NETO1: variants seen among roughly 807,000 people sequenced by gnomAD.
NETO1 encodes the protein neuropilin and tolloid-like protein 1.
Under a neutral mutation model 61.3 loss-of-function variants are expected in NETO1, and 26 were observed. The observed-to-expected ratio is 0.42, with a 90% CI of 0.31 to 0.59. The LOEUF (loss-of-function observed/expected upper bound fraction) is 0.59. Ranked by LOEUF, NETO1 falls within the 20% of genes least tolerant of loss-of-function variation. The pLI, the probability that NETO1 is intolerant of heterozygous loss-of-function variation, is 0.12. For synonymous variants in NETO1, 225 were observed against 225.8 expected (o/e 1.00, Z 0.03); for missense variants, 531 against 662.8 (o/e 0.80, Z 2.18).
chr18:72,862,871 C>A (rs1206608782), intron 3 of NETO1, among the ~76,000 whole-genome samples: 1 of 152,064 alleles, frequency 6.6e-6, no homozygotes, highest in African/African-American at 2.4e-5. Context: ...CCGCCCACAT[C>A]GGCCTCCTAA....
chr18:72,780,158 A>C (rs563237894), intron 7 of NETO1, among the ~76,000 whole-genome samples: 2 of 152,328 alleles, frequency 1.3e-5, no homozygotes, highest in Non-Finnish European at 2.9e-5. Flanking sequence ...AACATGACTA[A>C]AGGATAAACC....
At position 72,793,988 on chromosome 18, in the gene NETO1, A is replaced by C. The variant is rs899586568; in HGVS notation, c.639+129T>G. 2.4e-6 allele frequency: 3 copies of C among 1,244,146 alleles called. No homozygotes were observed. In the Admixed American group the frequency reaches 6.2e-5, roughly 26 times the overall value. The allele number at this position is 1,244,146 out of a possible 1,614,324, so 77.1% of individuals were successfully genotyped here. A position where few individuals can be genotyped will look rare whatever the true frequency, so the allele number is the denominator to read the frequency against. On this transcript the variant is annotated intron_variant, in intron 6 of 10. Coordinates refer to ENST00000327305, the MANE Select transcript of NETO1 (RefSeq NM_138966.5). Reference sequence around the variant, plus strand: ...AGACAAGTTACATCTCAAAAACCAAAATGAAATCATAGCCTTTGATGGCTG... The same window carrying C: ...AGACAAGTTACATCTCAAAAACCAACATGAAATCATAGCCTTTGATGGCTG...
At chr18:72,795,572 A>G (rs1414416615) in intron 4 of NETO1, among the ~76,000 whole-genome samples, 33 of 152,144 alleles carry the variant, frequency 2.2e-4, no homozygotes, top group Non-Finnish European at 4.6e-4. Context: ...ACATTCTTGG[A>G]GTTGCATTTC....
intron 7 of NETO1, among the ~76,000 whole-genome samples, chr18:72,766,658 A>G (rs565052065): frequency 3.3e-5 from 5 of 152,320 alleles, no homozygotes; most frequent in East Asian, 1.9e-4. Context: ...ACAAATTTCA[A>G]TTTGATCTCA....
intron 7 of NETO1, among the ~76,000 whole-genome samples, chr18:72,776,146 T>C (rs147836075): frequency 2.6e-5 from 4 of 152,310 alleles, no homozygotes; most frequent in East Asian, 3.9e-4. Flanking sequence ...TCATGCTTTG[T>C]TGCAACACAG....
intron 4 of NETO1, among the ~76,000 whole-genome samples, chr18:72,807,445 T>C (rs2072710458): frequency 6.6e-6 from 1 of 152,194 alleles, no homozygotes; most frequent in Non-Finnish European, 1.5e-5. Context: ...AATTTGAAGT[T>C]TCCTCATGGT....
chr18:72,826,434 A>T (rs1352051878), intron 4 of NETO1, among the ~76,000 whole-genome samples: 1 of 151,860 alleles, frequency 6.6e-6, no homozygotes, highest in Admixed American at 6.6e-5. Context: ...TCCTCAGTGT[A>T]ATTCTTTTCT....
chr18:72,851,643 TAGA>T (rs2074253025), intron 4 of NETO1, among the ~76,000 whole-genome samples: 3 of 152,064 alleles, frequency 2.0e-5, no homozygotes, highest in Admixed American at 1.3e-4. Context: ...ACAATTGAGG[TAGA>T]AGGAGAGACG....
intron 6 of NETO1, among the ~76,000 whole-genome samples, chr18:72,786,265 T>C (rs2071913970): frequency 6.6e-6 from 1 of 152,140 alleles, no homozygotes; most frequent in Admixed American, 6.6e-5. Flanking sequence ...ATAGCATAGA[T>C]CTAAATTATG....
Position 72,867,382 on chromosome 18 carries a change from GGTGTTAAAGAC to G in NETO1, c.-102_-92del. 1 of 1,059,226 alleles carries G rather than the reference GGTGTTAAAGAC, an allele frequency of 9.4e-7. No individual in the cohort carries two copies. The highest frequency in any genetic ancestry group is 2.1e-4 in the Middle Eastern group (1 of 4,746). The allele number at this position is 1,059,226 out of a possible 1,614,324, so 65.6% of individuals were successfully genotyped here. On this transcript the variant is annotated 5_prime_UTR_variant, in exon 1 of 11. The change abolishes the stop of an existing upstream ORF in the 5' untranslated region. Transcript: ENST00000327305. ...TGGCGGGGGGAGGACAGGGTCGAGA[GGTGTTAAAGAC>G]GCAAAGCAAGAAGGAAATAAAGGGG...
intron 4 of NETO1, among the ~76,000 whole-genome samples, chr18:72,820,479 C>T (rs185994478): frequency 3.2e-4 from 48 of 152,352 alleles, no homozygotes; most frequent in African/African-American, 1.1e-3. Context: ...CATTCAATCT[C>T]CTGCTATTGG....
intron 4 of NETO1, among the ~76,000 whole-genome samples, chr18:72,856,653 A>C (rs1438227355): frequency 1.3e-5 from 2 of 152,230 alleles, no homozygotes; most frequent in African/African-American, 4.8e-5. Flanking sequence ...AGAAAAGAAA[A>C]GCCAGAACTG....
intron 4 of NETO1, among the ~76,000 whole-genome samples, chr18:72,846,131 G>T (rs567794554): frequency 1.3e-5 from 2 of 151,620 alleles, no homozygotes; most frequent in Non-Finnish European, 2.9e-5. Context: ...GGCTGACTGG[G>T]TCAAAAGATA....
Position 72,830,917 on chromosome 18 carries a change from CTG to C in NETO1, c.469+27907_469+27908del, listed in dbSNP as rs1460851809. Reference sequence around the variant, plus strand: ...TTTTCATTTACCACTGCAGGAAAAACTGTACTTGATAGGGTTGTCAATTATGC... The same window carrying C: ...TTTTCATTTACCACTGCAGGAAAAACTACTTGATAGGGTTGTCAATTATGC... On this transcript the variant is annotated intron_variant, in intron 4 of 10. Coordinates refer to ENST00000327305, the MANE Select transcript of NETO1 (RefSeq NM_138966.5). The surrounding 1 kb of genome is among the most constrained non-coding windows in gnomAD (Gnocchi z 4.9). Among the ~76,000 whole-genome samples the C allele has an allele frequency of 1.3e-5, 2 of 152,088 alleles. No individual in the cohort carries two copies. Among genetic ancestry groups the C allele is most frequent in the East Asian group, 1.9e-4 (1 of 5,192 alleles).
intron 7 of NETO1, among the ~76,000 whole-genome samples, chr18:72,772,732 T>TAC (rs1159212944): frequency 5.2e-5 from 7 of 134,182 alleles, no homozygotes; most frequent in South Asian, 2.5e-4. Context: ...GTGTATCATG[T>TAC]ACACACACAC....
chr18:72,866,884 C>A, intron 1 of NETO1: 1 of 787,114 alleles, frequency 1.3e-6, no homozygotes, highest in Non-Finnish European at 1.6e-6. Flanking sequence ...CCGGGAGCCC[C>A]TAGAAGAGGA....
chr18:72,788,676 G>A (rs1423185449), intron 6 of NETO1, among the ~76,000 whole-genome samples: 1 of 152,066 alleles, frequency 6.6e-6, no homozygotes, highest in Admixed American at 6.5e-5. Context: ...AAGAGTTGGA[G>A]CTGACAAGAT....
rs529667843 is a variant in NETO1, at chr18:72,767,179, C to CA, written c.869-11033dup. On this transcript the variant is annotated intron_variant, in intron 7 of 10. Coordinates refer to ENST00000327305, the MANE Select transcript of NETO1 (RefSeq NM_138966.5). The stretch of plus-strand genomic sequence containing the variant: ...TTAGAGCCAAGCGTAAACACATCAC[C>CA]ATGACCTCAAGCTTAAAAATCTGCT... Among the ~76,000 whole-genome samples, 1,052 of 152,274 alleles carry CA rather than the reference C, an allele frequency of 6.9e-3. 4 individuals carry two copies. Among genetic ancestry groups the CA allele is most frequent in the Non-Finnish European group, 0.011 (778 of 68,008 alleles).
intron 7 of NETO1, among the ~76,000 whole-genome samples, chr18:72,759,140 C>T (rs2070886525): frequency 2.0e-5 from 3 of 152,106 alleles, no homozygotes; most frequent in Non-Finnish European, 4.4e-5. Context: ...TGTGTGTAGC[C>T]CATTGCTCCT....
Sources: gnomAD v4.1 joint callset for allele counts (sites outside exome capture counted in the v4.1 genomes callset) on GRCh38, gnomAD v4.1.1 for gene constraint, Gnocchi (gnomAD v3.1) non-coding constraint, MANE v1.5 for transcripts, NCBI Gene and HGNC (gene_info 2026-07-23, HGNC 2026-07-21) for gene names.